The following HELZ variants were observed in gnomAD, a reference collection of about 807,000 sequenced individuals.
HELZ encodes the protein ATP-dependent RNA helicase with zinc finger domain.
In HELZ, 23 loss-of-function variants were observed where a neutral mutation model predicts 218.2. The ratio of observed to expected loss-of-function variants is 0.11; its 90% CI spans 0.08 to 0.15. HELZ has a LOEUF of 0.15. HELZ is among the 10% of genes least tolerant of loss of function. HELZ has a pLI of 1.00. For synonymous variants in HELZ, 814 were observed against 829.4 expected, an observed-to-expected ratio of 0.98 and a Z score of 0.32; for missense variants, 1,813 against 2,353.7, an observed-to-expected ratio of 0.77 and a Z score of 4.75.
Position 67,100,935 on chromosome 17 carries a change from CTAAAAATAT to C in HELZ, c.5241+6225_5241+6233del, listed in dbSNP as rs1047339838. ...CTAACATGGTGAACCCCCGTCTCTACTAAAAATATTAAAAATATTAAAAAATTAGCTGGG... is the reference window on the plus strand; with the variant it reads ...CTAACATGGTGAACCCCCGTCTCTACTAAAAATATTAAAAAATTAGCTGGG... On this transcript the variant is annotated intron_variant, in intron 31 of 32. Coordinates refer to ENST00000358691, the MANE Select transcript of HELZ (RefSeq NM_014877.4). Among the ~76,000 whole-genome samples, 26 of 151,692 alleles carry C rather than the reference CTAAAAATAT, an allele frequency of 1.7e-4. 1 individual carries two copies. The highest frequency in any genetic ancestry group is 5.9e-5 in the Non-Finnish European group (4 of 67,960).
chr17:67,148,761 A>T (rs1339795131), intron 19 of HELZ, 47 bp from the exon 20 acceptor site: 3 of 1,527,632 alleles, frequency 2.0e-6, no homozygotes, highest in African/African-American at 1.4e-5. Context: ...ACATACAAAT[A>T]GTATTTTTTA....
At chr17:67,195,945 G>A (rs541501540) in intron 7 of HELZ, among the ~76,000 whole-genome samples, 31 of 142,288 alleles carry the variant, frequency 2.2e-4, no homozygotes, top group South Asian at 7.3e-4. Context: ...TCCACCCCCC[G>A]GGTTCAAGTG....
intron 9 of HELZ, among the ~76,000 whole-genome samples, chr17:67,191,020 T>G (rs2039881130): frequency 6.6e-6 from 1 of 152,172 alleles, no homozygotes; most frequent in East Asian, 1.9e-4. Context: ...AGTAGGATTT[T>G]TTTAAGCAAT....
intron 31 of HELZ, among the ~76,000 whole-genome samples, chr17:67,089,668 T>TAGAGAGAGAGAG (rs1555595394): frequency 4.8e-4 from 34 of 70,636 alleles, no homozygotes; most frequent in African/African-American, 1.5e-3. Context: ...TATATATATA[T>TAGAGAGAGAGAG]AGAGAGAGAG....
chr17:67,224,790 C>CA, intron 3 of HELZ: 1 of 1,179,468 alleles, frequency 8.5e-7, no homozygotes, highest in Non-Finnish European at 1.2e-6. Flanking sequence ...ACCAACCCCA[C>CA]AAAACGACAC....
intron 7 of HELZ, 122 bp from the exon 8 acceptor site, chr17:67,195,592 T>G (rs1472898067): frequency 1.7e-6 from 1 of 594,310 alleles, no homozygotes; most frequent in Non-Finnish European, 3.1e-6. Context: ...TTTAATAACA[T>G]TAATATGTTG....
chr17:67,114,262 A>C, intron 28 of HELZ, 62 bp downstream of exon 28: 1 of 1,112,108 alleles, frequency 9.0e-7, no homozygotes, highest in South Asian at 1.3e-5. Flanking sequence ...TAAAACATCA[A>C]GATTCCAAGA....
In HELZ at chr17:67,123,128, G is replaced by A. The variant is rs371057388; in HGVS notation, c.3472C>T (p.Pro1158Ser). The change falls in exon 26 of 33, where the codon CCT becomes TCT. Residue 1158 changes from proline (P) to serine (S), a missense_variant. Physicochemically the swap from Pro to Ser is moderately conservative, Grantham distance 74. Transcript: ENST00000358691. ...QPNPSVLIGNPIRAYTPPPPL... is the reference protein window; with the variant it reads ...QPNPSVLIGNSIRAYTPPPPL... ...GGTGGAGGAGTATATGCTCTAATAG[G>A]ATTGCCAATAAGTACAGAAGGATTG... 7 of 1,613,408 alleles carry A rather than the reference G, an allele frequency of 4.3e-6. No homozygotes were observed. The highest frequency in any genetic ancestry group is 5.9e-6 in the Non-Finnish European group (7 of 1,179,506).
intron 17 of HELZ, among the ~76,000 whole-genome samples, chr17:67,152,778 A>AAC (rs1219462933): frequency 3.3e-5 from 5 of 151,602 alleles, no homozygotes; most frequent in African/African-American, 1.2e-4. Context: ...AAAAAAAAAA[A>AAC]AAAAAAACAA....
At chr17:67,190,030 A>G in intron 10 of HELZ, 127 bp downstream of exon 10, 1 of 753,186 alleles carries the variant, frequency 1.3e-6, no homozygotes, top group Admixed American at 2.5e-5. Context: ...TAAAAACATC[A>G]TTCTATCAGA....
At chr17:67,214,160 A>T (rs748435924) in intron 5 of HELZ, among the ~76,000 whole-genome samples, 12 of 151,848 alleles carry the variant, frequency 7.9e-5, no homozygotes, top group Non-Finnish European at 2.9e-5. Flanking sequence ...ATTCTACTAG[A>T]TATCTCTTAA....
At chr17:67,242,519 TATATA>T (rs2041348975) in intron 2 of HELZ, among the ~76,000 whole-genome samples, 7 of 1,940 alleles carry the variant, frequency 3.6e-3, no homozygotes, top group African/African-American at 6.9e-3. Flanking sequence ...CATATATGTA[TATATA>T]CACACATATA....
upstream of HELZ, chr17:67,245,235 C>G (rs1201652616): frequency 3.0e-6 from 3 of 984,272 alleles, no homozygotes; most frequent in African/African-American, 1.8e-5. Flanking sequence ...AAAGTGACTC[C>G]CCCCGGCCCC....
chr17:67,081,369 T>C (rs1285034400), intron 32 of HELZ, among the ~76,000 whole-genome samples: 2 of 152,180 alleles, frequency 1.3e-5, no homozygotes, highest in African/African-American at 2.4e-5. Context: ...GGGAAGCATT[T>C]CCTCATTAGT....
intron 7 of HELZ, among the ~76,000 whole-genome samples, chr17:67,198,409 C>G (rs577517491): frequency 2.3e-4 from 35 of 152,296 alleles, no homozygotes; most frequent in South Asian, 8.3e-4. Flanking sequence ...AGGCACTCAG[C>G]CTGGCTAAGT....
chr17:67,230,595 CAA>C (rs376918246), intron 3 of HELZ, among the ~76,000 whole-genome samples: 4 of 111,464 alleles, frequency 3.6e-5, no homozygotes, highest in Admixed American at 2.1e-4. Context: ...GACTCCATCT[CAA>C]AAAAAAAAAA....
chr17:67,150,130 C>CTTT (rs11408678), intron 18 of HELZ, 145 bp from the exon 19 acceptor site: 5,124 of 178,612 alleles, frequency 0.029, 149 homozygotes, highest in South Asian at 0.061. Context: ...TATTTTCTTT[C>CTTT]TTTTTTTTTT....
rs115917218 is a variant in HELZ at position 67,125,757 on chromosome 17, A to G, written c.3388-1743T>C. On this transcript the variant is annotated intron_variant, in intron 24 of 32. Transcript: ENST00000358691. The stretch of plus-strand genomic sequence containing the variant: ...TCTGTGAATATTAATTAAAGTTATA[A>G]ATTTAAAACAGGGAGATTATCCTGG... 5.1e-3 allele frequency among the ~76,000 whole-genome samples: 783 copies of G among 152,268 alleles called. 5 individuals carry two copies. The highest frequency in any genetic ancestry group is 0.018 in the African/African-American group (758 of 41,544).
intron 32 of HELZ, among the ~76,000 whole-genome samples, chr17:67,082,281 T>C (rs1310101687): frequency 6.6e-6 from 1 of 152,214 alleles, no homozygotes; most frequent in Non-Finnish European, 1.5e-5. Flanking sequence ...AGCTCTATCC[T>C]TGAGTTCAAA....
Sources: allele counts gnomAD v4.1 joint callset (sites outside exome capture counted in the v4.1 genomes callset), GRCh38; gene constraint gnomAD v4.1.1; transcripts MANE v1.5; gene names NCBI Gene and HGNC (gene_info 2026-07-23, HGNC 2026-07-21).